ITGA11: variants seen among roughly 807,000 people sequenced by gnomAD.
ITGA11 encodes the protein integrin subunit alpha 11.
A neutral mutation model predicts 141.9 loss-of-function variants in ITGA11; 97 were observed. That is an observed-to-expected ratio of 0.68 (90% CI 0.58 to 0.81). The LOEUF is 0.81. Ranked by LOEUF, ITGA11 falls within the 30% of genes least tolerant of loss-of-function variation. The probability of loss-of-function intolerance (pLI) is 0.00; values close to 1 mark genes in which losing one functional copy is unlikely to be tolerated. For synonymous variants in ITGA11, 658 were observed against 624.6 expected, an observed-to-expected ratio of 1.05 and a Z score of -0.80; for missense variants, 1,387 against 1,559.2, an observed-to-expected ratio of 0.89 and a Z score of 1.86.
chr15:68,310,692 G>C lies in ITGA11; in HGVS notation c.3174+302C>G, dbSNP rs553616441. 7.9e-5 allele frequency among the ~76,000 whole-genome samples: 12 copies of C among 152,258 alleles called. No individual in the cohort carries two copies. In the South Asian group the frequency reaches 2.3e-3, roughly 29 times the overall value. On this transcript the variant is annotated intron_variant, in intron 26 of 29. Transcript: ENST00000315757. ...GTATCCTACTGGCCCGCTTGGCCCA[G>C]GTGCAAGTCCACTCTCCCCACCCCT...
At chr15:68,380,011 T>C (rs1257040717) in intron 2 of ITGA11, among the ~76,000 whole-genome samples, 1 of 152,016 alleles carries the variant, frequency 6.6e-6, no homozygotes, top group African/African-American at 2.4e-5. Flanking sequence ...GCCAGTGAGG[T>C]GTACACACCC....
At position 68,305,983 on chromosome 15, in the gene ITGA11, G is replaced by A. The variant is rs890504735; in HGVS notation, c.3381+1365C>T. 1.1e-4 allele frequency among the ~76,000 whole-genome samples: 16 copies of A among 150,488 alleles called. No homozygotes were observed. On this transcript the variant is annotated intron_variant, in intron 28 of 29. Coordinates refer to ENST00000315757, the MANE Select transcript of ITGA11 (RefSeq NM_001004439.2). The surrounding 1 kb of genome is among the most constrained non-coding windows in gnomAD (Gnocchi z 4.6). ...GGGCAGATCATGAGGTCAGGAGATC[G>A]AGACCATCCTGGCTAACACAGTGAA... is the stretch of plus-strand genomic sequence containing the variant.
chr15:68,308,761 G>GAAAATAAAAGA lies in ITGA11; in HGVS notation c.3175-1066_3175-1065insTCTTTTATTTT, dbSNP rs111776164. On this transcript the variant is annotated intron_variant, in intron 26 of 29. Transcript: ENST00000315757. This position sits in a 1 kb window ranked among gnomAD's most constrained non-coding sequence, Gnocchi z 5.2. ...TGTCTCAAAAGAAAAGAAAAGAAAA[G>GAAAATAAAAGA]AAAGAAAAGAAAAGAAAAGAAAAGG... Among the ~76,000 whole-genome samples, 1 of 137,670 alleles carries GAAAATAAAAGA rather than the reference G, an allele frequency of 7.3e-6. No individual in the cohort carries two copies. The highest frequency in any genetic ancestry group is 2.9e-5 in the African/African-American group (1 of 34,382). The allele number at this position is 137,670 out of a possible 152,430, so 90.3% of individuals were successfully genotyped here. A position where few individuals can be genotyped will look rare whatever the true frequency, so the allele number is the denominator to read the frequency against.
At chr15:68,430,914 A>G (rs895137) in intron 1 of ITGA11, among the ~76,000 whole-genome samples, 141,347 of 152,306 alleles carry the variant, frequency 0.93, 65,914 homozygotes, top group Middle Eastern at 0.99. Flanking sequence ...GCTGCGGGAT[A>G]GGGGTCTCCA....
intron 1 of ITGA11, among the ~76,000 whole-genome samples, chr15:68,403,940 G>C (rs73433955): frequency 0.037 from 5,692 of 152,140 alleles, 168 homozygotes; most frequent in African/African-American, 0.084. Flanking sequence ...ACATGGATAG[G>C]GGGGACATAA....
chr15:68,311,226 C>A, intron 25 of ITGA11, 64 bp downstream of exon 25: 1 of 1,311,652 alleles, frequency 7.6e-7, no homozygotes, highest in Non-Finnish European at 1.1e-6. Context: ...TGGGGACACA[C>A]GTAGGGGGAG....
chr15:68,407,110 A>G (rs904469921), intron 1 of ITGA11, among the ~76,000 whole-genome samples: 3 of 152,114 alleles, frequency 2.0e-5, no homozygotes, highest in Non-Finnish European at 2.9e-5. Flanking sequence ...TTCCTGCCCT[A>G]GGTCCCATTG....
intron 20 of ITGA11, 71 bp from the exon 21 acceptor site, chr15:68,317,434 C>G (rs776071090): frequency 1.9e-6 from 2 of 1,058,128 alleles, no homozygotes; most frequent in Non-Finnish European, 1.5e-6. Context: ...GGCTCCCTCA[C>G]CCCCAGCCTG....
intron 9 of ITGA11, among the ~76,000 whole-genome samples, chr15:68,349,517 G>A (rs1894840092): frequency 6.6e-6 from 1 of 152,220 alleles, no homozygotes; most frequent in Non-Finnish European, 1.5e-5. Flanking sequence ...TTTGAGTTCT[G>A]GAGTGGGTGT....
Position 68,321,515 on chromosome 15 carries a change from A to G in ITGA11, c.2323-12T>C. The G allele has an allele frequency of 6.3e-7, 1 of 1,587,460 alleles. No individual in the cohort carries two copies. The highest frequency in any genetic ancestry group is 1.1e-5 in the South Asian group (1 of 87,486). The stretch of plus-strand genomic sequence containing the variant: ...TTCCAGAAGGGCACCTGGGCCAGGG[A>G]GAGCCAGGTGTGGGCAGCTGGGTAG... On this transcript the variant is annotated splice_polypyrimidine_tract_variant and intron_variant, in intron 18 of 29. Transcript: ENST00000315757. The surrounding 1 kb of genome is among the most constrained non-coding windows in gnomAD (Gnocchi z 4.9).
chr15:68,358,691 G>A lies in ITGA11; in HGVS notation c.473-106C>T, dbSNP rs1311510368. On this transcript the variant is annotated intron_variant, in intron 5 of 29. Coordinates refer to ENST00000315757, the MANE Select transcript of ITGA11 (RefSeq NM_001004439.2). ...ACAAATGAATGACTCTGCTCCATAT[G>A]TGTAATTCCCTGGGCTGGGAAACTG... The A allele has an allele frequency of 4.9e-6, 6 of 1,236,700 alleles. No homozygotes were observed. The Admixed American group carries it at 8.7e-5, about 18-fold the overall frequency. 76.6% of individuals were successfully genotyped at this position (1,236,700 alleles called of 1,614,324 possible).
chr15:68,351,336 C>G lies in ITGA11; in HGVS notation c.816G>C (p.Gly272=). 1 of 1,613,978 alleles carries G rather than the reference C, an allele frequency of 6.2e-7. No individual in the cohort carries two copies. Among genetic ancestry groups the G allele is most frequent in the East Asian group, 2.2e-5 (1 of 44,872 alleles). ...AKKVMIVITD[G]ESHDSPDLEK... ...CCAGGTCTGGGCTGTCGTGGGACTC[C>G]CCATCTGTGATGACAATCATCACCT... The change falls in exon 8 of 30, where the codon GGG becomes GGC. Residue 272 remains glycine, a synonymous_variant. Coordinates refer to ENST00000315757, the MANE Select transcript of ITGA11 (RefSeq NM_001004439.2).
At chr15:68,417,627 C>G (rs1896917888) in intron 1 of ITGA11, among the ~76,000 whole-genome samples, 1 of 152,168 alleles carries the variant, frequency 6.6e-6, no homozygotes, top group Non-Finnish European at 1.5e-5. Context: ...ATTCTAGACC[C>G]TTCCCAGGGC....
intron 28 of ITGA11, among the ~76,000 whole-genome samples, chr15:68,306,657 C>T (rs964312501): frequency 6.6e-6 from 1 of 152,234 alleles, no homozygotes; most frequent in African/African-American, 2.4e-5. Context: ...TACCCCTCTG[C>T]CTGGCATCCC....
rs774376634 is a variant in ITGA11, at chr15:68,328,080, G to A, written c.2068+16C>T. On this transcript the variant is annotated intron_variant, in intron 16 of 29. Coordinates refer to ENST00000315757, the MANE Select transcript of ITGA11 (RefSeq NM_001004439.2). The surrounding 1 kb of genome is among the most constrained non-coding windows in gnomAD (Gnocchi z 4.8). ...CTGGAGTCTGGGGGTGGGGAGAAAG[G>A]AGGGGCCTGCTTTACCAACAGTTGT... 2 of 1,609,556 alleles carry A rather than the reference G, an allele frequency of 1.2e-6. No homozygotes were observed. Among genetic ancestry groups the A allele is most frequent in the East Asian group, 4.5e-5 (2 of 44,818 alleles).
At chr15:68,393,454 G>T (rs778546084) in intron 2 of ITGA11, among the ~76,000 whole-genome samples, 4 of 151,958 alleles carry the variant, frequency 2.6e-5, no homozygotes, top group Admixed American at 2.0e-4. Context: ...GACATTAAAG[G>T]CAAATAAGAA....
intron 2 of ITGA11, among the ~76,000 whole-genome samples, chr15:68,396,635 T>G (rs1896249361): frequency 6.6e-6 from 1 of 151,368 alleles, no homozygotes; most frequent in African/African-American, 2.4e-5. Flanking sequence ...AAAACTGTAA[T>G]TATTTCAAAT....
intron 2 of ITGA11, among the ~76,000 whole-genome samples, chr15:68,382,466 AC>A (rs1267076772): frequency 6.6e-6 from 1 of 152,166 alleles, no homozygotes; most frequent in Non-Finnish European, 1.5e-5. Flanking sequence ...TGGTCTCCAG[AC>A]CCTTTAACAC....
At chr15:68,351,903 C>T (rs1275413627) in intron 7 of ITGA11, among the ~76,000 whole-genome samples, 3 of 151,918 alleles carry the variant, frequency 2.0e-5, no homozygotes, top group Non-Finnish European at 2.9e-5. Flanking sequence ...ACTAACATGT[C>T]GAAACCCTGC....
Sources: gnomAD v4.1 joint callset for allele counts (sites outside exome capture counted in the v4.1 genomes callset) on GRCh38, gnomAD v4.1.1 for gene constraint, Gnocchi (gnomAD v3.1) non-coding constraint, MANE v1.5 for transcripts, NCBI Gene and HGNC (gene_info 2026-07-23, HGNC 2026-07-21) for gene names.